Variants in GMNN observed in about 807,000 individuals in gnomAD.
GMNN encodes geminin.
In GMNN, 14 loss-of-function variants were observed where a neutral mutation model predicts 20.9. The observed-to-expected ratio is 0.67, with a 90% CI of 0.44 to 1.05. The LOEUF (loss-of-function observed/expected upper bound fraction) is 1.05. GMNN is among the 50% of genes least tolerant of loss of function. GMNN has a pLI of 0.00. For synonymous variants in GMNN, 81 were observed against 85.8 expected (o/e 0.94, Z 0.31); for missense variants, 227 against 243.8 (o/e 0.93, Z 0.46).
In GMNN at chr6:24,785,797, T is replaced by C. The variant is rs757538616; in HGVS notation, c.628T>C (p.Ter210ArgextTer8). 6.4e-6 allele frequency: 10 copies of C among 1,559,658 alleles called. No homozygotes were observed. The highest frequency in any genetic ancestry group is 8.7e-6 in the Non-Finnish European group (10 of 1,149,936). Residue 210 changes from the stop codon to arginine (R), a stop_lost, in exon 7 of 7, where the codon TGA (stop) becomes CGA (arginine). Transcript: ENST00000230056. ...SSSTDAKPCI* is the reference protein window; with the variant it reads ...SSSTDAKPCIR The stretch of plus-strand genomic sequence containing the variant: ...CTCTACGGATGCAAAGCCATGTATA[T>C]GAAATGCATTAATATTTGACTGTTG...
Position 24,785,834 on chromosome 6 carries a change from G to T in GMNN, c.*35G>T. On this transcript the variant is annotated 3_prime_UTR_variant, in exon 7 of 7. Transcript: ENST00000230056. ...ATATTTGACTGTTGAGAATTTTACT[G>T]CCGAAGTTTACCTCCACTAGTTCTT... 1 of 1,369,232 alleles carries T rather than the reference G, an allele frequency of 7.3e-7. No individual in the cohort carries two copies. The highest frequency in any genetic ancestry group is 1.0e-6 in the Non-Finnish European group (1 of 982,876). The allele number at this position is 1,369,232 out of a possible 1,614,324, so 84.8% of individuals were successfully genotyped here.
At chr6:24,775,757 G>T (rs372227133) in intron 1 of GMNN, 1 of 152,356 alleles carries the variant, frequency 6.6e-6, no homozygotes, top group South Asian at 2.1e-4. Flanking sequence ...TTGCAAGGTC[G>T]CTGACAGGCG....
intron 6 of GMNN, among the ~76,000 whole-genome samples, chr6:24,784,887 A>G (rs1486091325): frequency 6.6e-6 from 1 of 152,190 alleles, no homozygotes; most frequent in Non-Finnish European, 1.5e-5. Flanking sequence ...GCAAAAGACC[A>G]TATTTTTTGG....
chr6:24,778,141 C>G (rs1381968007), intron 2 of GMNN, among the ~76,000 whole-genome samples: 4 of 152,208 alleles, frequency 2.6e-5, no homozygotes, highest in Non-Finnish European at 5.9e-5. Flanking sequence ...TTCCACACAA[C>G]TTAAATTATA....
chr6:24,780,624 A>T, intron 2 of GMNN, 39 bp from the exon 3 acceptor site: 1 of 1,102,238 alleles, frequency 9.1e-7, no homozygotes, highest in South Asian at 1.2e-5. Flanking sequence ...ACCATATTGC[A>T]ACTCAGTAAC....
chr6:24,782,038 T>C (rs974621150), intron 4 of GMNN, among the ~76,000 whole-genome samples: 2 of 151,582 alleles, frequency 1.3e-5, no homozygotes, highest in Non-Finnish European at 2.9e-5. Flanking sequence ...CTATGTATGA[T>C]AGCACCACTG....
At chr6:24,780,966 C>T (rs189208394) in intron 3 of GMNN, among the ~76,000 whole-genome samples, 44 of 152,162 alleles carry the variant, frequency 2.9e-4, no homozygotes, top group Non-Finnish European at 5.3e-4. Flanking sequence ...TTAGGGAGGC[C>T]GAGGTGGGTG....
At position 24,785,872 on chromosome 6, in the gene GMNN, C is replaced by T; in HGVS notation, c.*73C>T. On this transcript the variant is annotated 3_prime_UTR_variant, in exon 7 of 7. Transcript: ENST00000230056. ...TCCACTAGTTCTTTGTAGCAGAGTA[C>T]ATAACTACATAATGCCAACTCTGGA... 1 of 849,476 alleles carries T rather than the reference C, an allele frequency of 1.2e-6. No individual in the cohort carries two copies. Among genetic ancestry groups the T allele is most frequent in the Non-Finnish European group, 1.9e-6 (1 of 535,210 alleles). 52.6% of individuals were successfully genotyped at this position (849,476 alleles called of 1,614,324 possible).
intron 3 of GMNN, among the ~76,000 whole-genome samples, chr6:24,781,053 AT>A (rs1219016144): frequency 6.6e-6 from 1 of 152,072 alleles, no homozygotes; most frequent in African/African-American, 2.4e-5. Flanking sequence ...GTACAAAAAA[AT>A]TAGCCGGGCG....
intron 6 of GMNN, among the ~76,000 whole-genome samples, chr6:24,785,004 C>G (rs1780311511): frequency 6.6e-6 from 1 of 152,094 alleles, no homozygotes; most frequent in African/African-American, 2.4e-5. Context: ...ACATTACTGT[C>G]ATTTATAAAA....
rs543948104 is a variant in GMNN at position 24,781,667 on chromosome 6, T to C, written c.274+46T>C. ...TTTGTCTTAATTTTAAATTATGATA[T>C]AAGGAAAAATTTGTTAATACTATTA... On this transcript the variant is annotated intron_variant, in intron 4 of 6. Coordinates refer to ENST00000230056, the MANE Select transcript of GMNN (RefSeq NM_015895.5). The C allele has an allele frequency of 4.2e-6, 4 of 943,448 alleles. No homozygotes were observed. The South Asian group carries it at 9.1e-5, about 21-fold the overall frequency. The allele number at this position is 943,448 out of a possible 1,614,324, so 58.4% of individuals were successfully genotyped here.
intron 6 of GMNN, among the ~76,000 whole-genome samples, chr6:24,785,249 A>G (rs1780318531): frequency 6.6e-6 from 1 of 152,186 alleles, no homozygotes; most frequent in Non-Finnish European, 1.5e-5. Flanking sequence ...TTTGAGATCC[A>G]TGATAGAATT....
At chr6:24,785,593 G>C (rs373542660) in intron 6 of GMNN, 45 bp from the exon 7 acceptor site, 4 of 997,564 alleles carry the variant, frequency 4.0e-6, no homozygotes, top group Non-Finnish European at 6.1e-6. Flanking sequence ...GATCAGCTTA[G>C]GTTTTAACAT....
chr6:24,781,366 T>G (rs1266819007), intron 3 of GMNN, 111 bp from the exon 4 acceptor site: 3 of 566,338 alleles, frequency 5.3e-6, no homozygotes, highest in Non-Finnish European at 9.4e-6. Flanking sequence ...GATCCAGAGA[T>G]GTGAAAAAGT....
At chr6:24,782,670 A>G (rs1472468309) in intron 4 of GMNN, among the ~76,000 whole-genome samples, 4 of 152,362 alleles carry the variant, frequency 2.6e-5, no homozygotes, top group Middle Eastern at 3.4e-3. Flanking sequence ...TTAAAAATTA[A>G]ATCAAGGATT....
intron 2 of GMNN, among the ~76,000 whole-genome samples, chr6:24,779,679 CT>C (rs1581427386): frequency 6.6e-6 from 1 of 152,178 alleles, no homozygotes; most frequent in East Asian, 1.9e-4. Context: ...GTATCATGTT[CT>C]TGCTAACCTT....
chr6:24,777,593 A>T (rs1337904711), intron 2 of GMNN: 1 of 187,896 alleles, frequency 5.3e-6, no homozygotes, highest in Non-Finnish European at 1.1e-5. Context: ...TTTTGAGGTT[A>T]CTGTGAATGG....
rs142593809 is a variant in GMNN at position 24,777,386 on chromosome 6, A to G, written c.51+89A>G. ...TAATTTATCCAAATTTAGCCTGGCT[A>G]TAATTTCTGTAAGCCTTGAGTTAGT... On this transcript the variant is annotated intron_variant, in intron 2 of 6. Transcript: ENST00000230056. 2.6e-4 allele frequency: 140 copies of G among 529,816 alleles called. 2 individuals are homozygous for G. The highest frequency in any genetic ancestry group is 1.5e-3 in the African/African-American group (77 of 50,264). 32.8% of individuals were successfully genotyped at this position (529,816 alleles called of 1,614,324 possible).
At chr6:24,779,256 C>A (rs942753873) in intron 2 of GMNN, among the ~76,000 whole-genome samples, 1 of 152,072 alleles carries the variant, frequency 6.6e-6, no homozygotes, top group Non-Finnish European at 1.5e-5. Context: ...GTCTATTATT[C>A]CAATGCATAC....
Sources: allele counts gnomAD v4.1 joint callset (sites outside exome capture counted in the v4.1 genomes callset), GRCh38; gene constraint gnomAD v4.1.1; transcripts MANE v1.5; gene names NCBI Gene and HGNC (gene_info 2026-07-23, HGNC 2026-07-21).